Variants in CNBD1 observed in about 807,000 individuals in gnomAD.
CNBD1 encodes the protein cyclic nucleotide binding domain containing 1, also known as cyclic nucleotide-binding domain-containing protein 1.
A neutral mutation model predicts 54.4 loss-of-function variants in CNBD1; 71 were observed. The ratio of observed to expected loss-of-function variants is 1.30; its 90% CI spans 1.08 to 1.59. CNBD1 has a LOEUF of 1.59. Ranked by LOEUF, CNBD1 falls within the 40% of genes most tolerant of loss-of-function variation. The probability of loss-of-function intolerance (pLI) is 0.00; values close to 1 mark genes in which losing one functional copy is unlikely to be tolerated. For missense variants in CNBD1, 659 were observed against 518.0 expected, an observed-to-expected ratio of 1.27 and a Z score of -2.64; for synonymous variants, 182 against 170.7, an observed-to-expected ratio of 1.07 and a Z score of -0.51.
At chr8:86,981,677 T>C (rs144825661) in intron 4 of CNBD1, among the ~76,000 whole-genome samples, 1 of 152,356 alleles carries the variant, frequency 6.6e-6, no homozygotes, top group African/African-American at 2.4e-5. Flanking sequence ...TTGTATGTGC[T>C]AGACTTCATT....
At chr8:87,154,794 G>C (rs1812680239) in intron 4 of CNBD1, among the ~76,000 whole-genome samples, 1 of 152,190 alleles carries the variant, frequency 6.6e-6, no homozygotes. Flanking sequence ...CAGAAGGTCA[G>C]ATCATGAAGA....
intron 8 of CNBD1, among the ~76,000 whole-genome samples, chr8:87,332,710 G>A (rs1421024359): frequency 6.6e-6 from 1 of 152,034 alleles, no homozygotes; most frequent in Non-Finnish European, 1.5e-5. Flanking sequence ...TTATTTCTGA[G>A]GTCTCTATTA....
intron 6 of CNBD1, among the ~76,000 whole-genome samples, chr8:87,275,475 TG>T (rs1808457834): frequency 6.6e-6 from 1 of 152,004 alleles, no homozygotes. Context: ...TAGTTCTCCT[TG>T]AGGAGGTCCA....
chr8:87,380,605 G>A (rs1014216290), intron 10 of CNBD1, among the ~76,000 whole-genome samples: 12 of 152,042 alleles, frequency 7.9e-5, no homozygotes, highest in African/African-American at 2.9e-4. Flanking sequence ...AGGTCTCATT[G>A]GGTAATAGGG....
chr8:87,223,885 A>G (rs1451011405), intron 5 of CNBD1, among the ~76,000 whole-genome samples: 4 of 152,162 alleles, frequency 2.6e-5, no homozygotes, highest in Non-Finnish European at 4.4e-5. Flanking sequence ...CTATTTCTCC[A>G]CATTCTCTCC....
At chr8:86,892,993 T>C (rs1808795520) in intron 2 of CNBD1, among the ~76,000 whole-genome samples, 1 of 152,134 alleles carries the variant, frequency 6.6e-6, no homozygotes, top group Non-Finnish European at 1.5e-5. Context: ...AAAAGGATGG[T>C]TTATGTACAC....
At chr8:87,392,395 C>T (rs1190327666) in intron 2 of CNBD1, among the ~76,000 whole-genome samples, 4 of 151,878 alleles carry the variant, frequency 2.6e-5, no homozygotes, top group Non-Finnish European at 1.5e-5. Context: ...AGCCAAAAAT[C>T]AGAAACAACT....
intron 6 of CNBD1, among the ~76,000 whole-genome samples, chr8:87,272,390 A>G (rs1424919827): frequency 6.6e-6 from 1 of 152,000 alleles, no homozygotes. Context: ...AAAAATTTTA[A>G]ATTATTTTCA....
At chr8:87,401,991 G>T (rs1807574527) in intron 2 of CNBD1, among the ~76,000 whole-genome samples, 1 of 151,872 alleles carries the variant, frequency 6.6e-6, no homozygotes, top group Non-Finnish European at 1.5e-5. Context: ...CTGTTATGAA[G>T]AAATATCCAA....
intron 4 of CNBD1, among the ~76,000 whole-genome samples, chr8:87,019,967 C>A (rs577612889): frequency 6.6e-6 from 1 of 152,142 alleles, no homozygotes; most frequent in East Asian, 1.9e-4. Context: ...TCCAAATAAC[C>A]CTTAATAAGG....
chr8:87,236,888 A>G, intron 5 of CNBD1, 31 bp from the exon 6 acceptor site: 2 of 1,418,578 alleles, frequency 1.4e-6, no homozygotes, highest in Non-Finnish European at 1.9e-6. Context: ...CTGAGCACAC[A>G]GTATATATTT....
At chr8:87,385,326 C>G (rs568915505), downstream of CNBD1, among the ~76,000 whole-genome samples, 7 of 151,984 alleles carry the variant, frequency 4.6e-5, no homozygotes, top group African/African-American at 7.3e-5. Context: ...CAAGGCATCG[C>G]CTCACCCGGG....
chr8:86,970,793 T>G (rs1808202679), intron 4 of CNBD1, among the ~76,000 whole-genome samples: 1 of 152,354 alleles, frequency 6.6e-6, no homozygotes, highest in South Asian at 2.1e-4. Context: ...GGTTTCATTC[T>G]TTTTTATGGC....
chr8:87,349,762 A>G (rs1409371511), intron 8 of CNBD1, among the ~76,000 whole-genome samples: 1 of 152,212 alleles, frequency 6.6e-6, no homozygotes, highest in African/African-American at 2.4e-5. Context: ...TGAGATGAAT[A>G]TTTGCTATGG....
Position 87,020,890 on chromosome 8 carries a change from T to TC in CNBD1, c.431+81138dup, listed in dbSNP as rs536714771. On this transcript the variant is annotated intron_variant, in intron 4 of 10. Transcript: ENST00000518476. ...AACCTGTTATCTCTAAAGTCTGCTATCCAAAAAGCTTCCTCTGCACAATAA... is the reference window on the plus strand; with the variant it reads ...AACCTGTTATCTCTAAAGTCTGCTATCCCAAAAAGCTTCCTCTGCACAATAA... Among the ~76,000 whole-genome samples, 66 of 152,296 alleles carry TC rather than the reference T, an allele frequency of 4.3e-4. No individual in the cohort carries two copies. In the East Asian group the frequency reaches 0.012, roughly 27 times the overall value.
At chr8:87,328,268 C>G (rs966327091) in intron 8 of CNBD1, among the ~76,000 whole-genome samples, 2 of 151,938 alleles carry the variant, frequency 1.3e-5, no homozygotes. Flanking sequence ...GCACCCTTGT[C>G]AAGATCAGTT....
At chr8:87,002,957 T>G (rs886209388) in intron 4 of CNBD1, among the ~76,000 whole-genome samples, 2 of 152,196 alleles carry the variant, frequency 1.3e-5, no homozygotes, top group Non-Finnish European at 2.9e-5. Flanking sequence ...ATTAGTCATT[T>G]CTTCCCTAGA....
chr8:87,311,985 C>T (rs1378042063), intron 8 of CNBD1, among the ~76,000 whole-genome samples: 1 of 151,898 alleles, frequency 6.6e-6, no homozygotes, highest in Non-Finnish European at 1.5e-5. Flanking sequence ...GAAAAACTAA[C>T]TATTGGATAG....
chr8:86,940,459 C>T (rs1809634974), intron 4 of CNBD1, among the ~76,000 whole-genome samples: 1 of 152,126 alleles, frequency 6.6e-6, no homozygotes, highest in Non-Finnish European at 1.5e-5. Context: ...AGCTTCCGCA[C>T]CCGGCCCCAT....
Sources: allele counts gnomAD v4.1 joint callset (sites outside exome capture counted in the v4.1 genomes callset), GRCh38; gene constraint gnomAD v4.1.1; transcripts MANE v1.5; gene names NCBI Gene and HGNC (gene_info 2026-07-23, HGNC 2026-07-21).